The following PPP2R1B variants were observed in gnomAD, a reference collection of about 807,000 sequenced individuals.
PPP2R1B encodes the protein protein phosphatase 2 scaffold subunit Abeta.
PPP2R1B carries 58 observed loss-of-function variants against 72.7 expected under a neutral mutation model. The ratio of observed to expected loss-of-function variants is 0.80; its 90% CI spans 0.65 to 0.99. The LOEUF (loss-of-function observed/expected upper bound fraction) is 0.99. PPP2R1B is among the 50% of genes least tolerant of loss of function. PPP2R1B has a pLI of 0.00. For missense variants in PPP2R1B, 695 were observed against 733.6 expected, an observed-to-expected ratio of 0.95 and a Z score of 0.61; for synonymous variants, 256 against 264.6, an observed-to-expected ratio of 0.97 and a Z score of 0.32.
At chr11:111,695,167 A>G in the PPP2R1B span, among the ~76,000 whole-genome samples, 1 of 152,210 alleles carries the variant, frequency 6.6e-6, no homozygotes, top group African/African-American at 2.4e-5. Context: ...CTCCTATTAT[A>G]ATTACAAAGG....
At chr11:111,763,833 T>C (rs1457520845) in intron 3 of PPP2R1B, among the ~76,000 whole-genome samples, 1 of 148,710 alleles carries the variant, frequency 6.7e-6, no homozygotes, top group Non-Finnish European at 1.5e-5. Flanking sequence ...CCTATATACA[T>C]AGACAGAAAA....
At position 111,742,155 on chromosome 11, in the gene PPP2R1B, A is replaced by G. The variant is rs1944545413; in HGVS notation, c.1698-11T>C. ...TCTCCCTGTAAAGCACTGACATTCA[A>G]AAGTATTATCTGTGAAAGACAGTCT... On this transcript the variant is annotated splice_polypyrimidine_tract_variant and intron_variant, in intron 13 of 14. Transcript: ENST00000527614. 5 of 1,600,534 alleles carry G rather than the reference A, an allele frequency of 3.1e-6. No individual in the cohort carries two copies. The South Asian group carries it at 4.4e-5, about 14-fold the overall frequency.
chr11:111,746,839 A>C (rs1450926645), intron 11 of PPP2R1B, among the ~76,000 whole-genome samples: 1 of 152,242 alleles, frequency 6.6e-6, no homozygotes, highest in African/African-American at 2.4e-5. Context: ...AAGAGAAAGA[A>C]GTCTACAATC....
chr11:111,733,895 C>T (rs543173993), downstream of PPP2R1B, among the ~76,000 whole-genome samples: 6 of 152,292 alleles, frequency 3.9e-5, no homozygotes, highest in South Asian at 6.2e-4. Flanking sequence ...GAGCAAGGCC[C>T]GGCTCCCACC....
chr11:111,728,963 T>C (rs1351992041), intron 15 of PPP2R1B: 2 of 152,092 alleles, frequency 1.3e-5, no homozygotes, highest in Non-Finnish European at 2.9e-5. Flanking sequence ...CATCTGCCTC[T>C]GTTTCTAAAC....
At chr11:111,765,532 T>A (rs1945494450) in intron 1 of PPP2R1B, 148 bp from the exon 2 acceptor site, 3 of 695,830 alleles carry the variant, frequency 4.3e-6, no homozygotes, top group Non-Finnish European at 7.1e-6. Flanking sequence ...AGGAAGCTCA[T>A]AAGGACTTCC....
At chr11:111,712,102 T>C in the PPP2R1B span, 2 of 1,146,918 alleles carry the variant, frequency 1.7e-6, no homozygotes, top group South Asian at 1.5e-5. Context: ...AATAAATAAA[T>C]ATTCATTCTT....
At chr11:111,720,528 G>T in the PPP2R1B span, 1 of 1,613,668 alleles carries the variant, frequency 6.2e-7, no homozygotes, top group South Asian at 1.1e-5. Context: ...TGTGGACTCT[G>T]AGTATGATAT....
intron 15 of PPP2R1B, among the ~76,000 whole-genome samples, chr11:111,731,446 CAG>C (rs949785544): frequency 2.0e-5 from 3 of 152,282 alleles, no homozygotes; most frequent in African/African-American, 7.2e-5. Context: ...TCCACGCCCT[CAG>C]GGTGCTGGAG....
At chr11:111,746,414 A>G (rs994217851) in intron 11 of PPP2R1B, among the ~76,000 whole-genome samples, 3 of 152,162 alleles carry the variant, frequency 2.0e-5, no homozygotes, top group Admixed American at 6.6e-5. Flanking sequence ...AATAAGTGGG[A>G]GTTGAACAAT....
chr11:111,754,616 A>G (rs1335873746), intron 7 of PPP2R1B, 47 bp from the exon 8 acceptor site: 2 of 1,579,348 alleles, frequency 1.3e-6, no homozygotes, highest in Admixed American at 4.1e-5. Flanking sequence ...GGCCATTTAC[A>G]AAGAGCCAAA....
At chr11:111,743,273 C>T (rs1030198640) in intron 12 of PPP2R1B, 103 bp downstream of exon 12, 2 of 1,157,256 alleles carry the variant, frequency 1.7e-6, no homozygotes, top group South Asian at 1.5e-5. Flanking sequence ...CAATACAAGA[C>T]ATATATTCCA....
intron 12 of PPP2R1B, 24 bp from the exon 13 acceptor site, chr11:111,742,689 C>T (rs749242264): frequency 1.7e-5 from 26 of 1,558,062 alleles, no homozygotes; most frequent in Non-Finnish European, 2.1e-5. Context: ...TAAGATGGCA[C>T]ATTTAAAATA....
chr11:111,727,257 G>A (rs1565406892), intron 15 of PPP2R1B: 17 of 597,744 alleles, frequency 2.8e-5, no homozygotes, highest in South Asian at 2.2e-4. Flanking sequence ...GCCCACCAGG[G>A]GAGTGGGGAT....
the PPP2R1B span, among the ~76,000 whole-genome samples, chr11:111,719,448 AAAT>A: frequency 6.6e-6 from 1 of 150,868 alleles, no homozygotes; most frequent in Non-Finnish European, 1.5e-5. Context: ...ATTTAAAAAA[AAAT>A]AATAACTGGT....
chr11:111,764,798 T>C lies in PPP2R1B; in HGVS notation c.306+7A>G, dbSNP rs1945458811. 1.2e-6 allele frequency: 2 copies of C among 1,613,580 alleles called. No homozygotes were observed. Among genetic ancestry groups the C allele is most frequent in the Admixed American group, 1.7e-5 (1 of 59,976 alleles). ...AGAAGGAGGGTAGGCAGCTTATAAA[T>C]ACTCACCAGCAGACAGTGGGCAAAG... is the stretch of plus-strand genomic sequence containing the variant. On this transcript the variant is annotated splice_region_variant and intron_variant, in intron 3 of 14. Coordinates refer to ENST00000527614, the MANE Select transcript of PPP2R1B (RefSeq NM_002716.5).
At chr11:111,737,443 C>G (rs1334253973), downstream of PPP2R1B, 1 of 1,614,244 alleles carries the variant, frequency 6.2e-7, no homozygotes, top group African/African-American at 1.3e-5. Flanking sequence ...CTTCCGGGCA[C>G]TTACCTTCCC....
In PPP2R1B at chr11:111,740,679, GA is replaced by G; in HGVS notation, c.*916del. 1 of 985,292 alleles carries G rather than the reference GA, an allele frequency of 1.0e-6. No homozygotes were observed. The highest frequency in any genetic ancestry group is 4.7e-5 in the South Asian group (1 of 21,284). 61.0% of individuals were successfully genotyped at this position (985,292 alleles called of 1,614,324 possible). A position where few individuals can be genotyped will look rare whatever the true frequency, so the allele number is the denominator to read the frequency against. On this transcript the variant is annotated 3_prime_UTR_variant, in exon 15 of 15. Transcript: ENST00000527614. ...AAACTTAGCAATAAAACTGCAGTTT[GA>G]AAAGCTACTGTACAATGCAGCAAGG... is the stretch of plus-strand genomic sequence containing the variant.
rs1348198859 is a variant in PPP2R1B at position 111,755,346 on chromosome 11, T to C, written c.792A>G (p.Ala264=). ...TLVMPTLRQA[A]EDKSWRVRYM... is the part of the protein sequence containing the mutation. ...AGCGAACGCGCCAAGATTTATCTTC[T>C]GCTGCTTGTCGAAGTGTAGGCATCA... Residue 264 remains alanine, a synonymous_variant, in exon 6 of 15, where the codon GCA becomes GCG. Transcript: ENST00000527614. The C allele has an allele frequency of 3.1e-5, 50 of 1,613,654 alleles. No individual in the cohort carries two copies. The highest frequency in any genetic ancestry group is 4.0e-5 in the Non-Finnish European group (47 of 1,179,950).
Sources: allele counts gnomAD v4.1 joint callset (sites outside exome capture counted in the v4.1 genomes callset), GRCh38; gene constraint gnomAD v4.1.1; transcripts MANE v1.5; gene names NCBI Gene and HGNC (gene_info 2026-07-23, HGNC 2026-07-21).